KIF11: variants seen among roughly 807,000 people sequenced by gnomAD.
KIF11 encodes the protein kinesin family member 11.
Under a neutral mutation model 121.0 loss-of-function variants are expected in KIF11, and 9 were observed. That is an observed-to-expected ratio of 0.07 (90% confidence interval 0.04 to 0.13). The LOEUF (loss-of-function observed/expected upper bound fraction) is 0.13, where lower values mean the gene tolerates loss of function less well. Among genes scored for constraint, KIF11 ranks in the 10% least tolerant of loss-of-function variants. KIF11 has a pLI of 1.00. For synonymous variants in KIF11, 408 were observed against 421.0 expected (o/e 0.97, Z 0.38); for missense variants, 846 against 1,217.5 (o/e 0.69, Z 4.54).
intron 1 of KIF11, among the ~76,000 whole-genome samples, chr10:92,605,200 G>T (rs1211135777): frequency 6.6e-6 from 1 of 152,116 alleles, no homozygotes; most frequent in East Asian, 1.9e-4. Context: ...GTAGAATGAG[G>T]ACTCTTGATC....
At chr10:92,646,910 G>C (rs1331660289) in intron 18 of KIF11, among the ~76,000 whole-genome samples, 3 of 152,144 alleles carry the variant, frequency 2.0e-5, no homozygotes, top group Non-Finnish European at 2.9e-5. Context: ...TAATAAAATG[G>C]AGAAGAAATG....
At chr10:92,631,460 C>T (rs1020239862) in intron 12 of KIF11, among the ~76,000 whole-genome samples, 22 of 148,442 alleles carry the variant, frequency 1.5e-4, no homozygotes, top group Admixed American at 1.3e-3. Flanking sequence ...TTCCCGGGTT[C>T]ACGCCATTCT....
At chr10:92,645,307 T>C (rs1215274926) in intron 17 of KIF11, 56 bp from the exon 18 acceptor site, 4 of 1,317,096 alleles carry the variant, frequency 3.0e-6, no homozygotes, top group South Asian at 1.4e-5. Flanking sequence ...TGGGAAGTTA[T>C]ATATCCTTTG....
At chr10:92,602,833 T>TACACACAC (rs770378243) in intron 1 of KIF11, among the ~76,000 whole-genome samples, 4,855 of 118,576 alleles carry the variant, frequency 0.041, 111 homozygotes, top group Admixed American at 0.068. Flanking sequence ...CACGTGTGTG[T>TACACACAC]GTGTGTGTGT....
intron 5 of KIF11, 76 bp from the exon 6 acceptor site, chr10:92,609,283 AGAGAGAGAGAGAGAGAGAGAGTGTGT>A (rs1208523799): frequency 8.0e-7 from 1 of 1,256,100 alleles, no homozygotes; most frequent in East Asian, 2.5e-5. Context: ...AGAGAGAGAG[AGAGAGAGAGAGAGAGAGAGAGTGTGT>A]GTGTGTGTGT....
intron 13 of KIF11, 29 bp downstream of exon 13, chr10:92,632,722 T>G (rs748389063): frequency 7.1e-6 from 10 of 1,401,586 alleles, no homozygotes; most frequent in Non-Finnish European, 8.8e-6. Flanking sequence ...GTTCTAGTCT[T>G]GATGTGTTAA....
chr10:92,605,935 C>T (rs1017315660), intron 1 of KIF11, among the ~76,000 whole-genome samples: 13 of 152,272 alleles, frequency 8.5e-5, no homozygotes, highest in South Asian at 2.1e-4. Flanking sequence ...CACTTGAGCC[C>T]GGAAGTTTGA....
intron 1 of KIF11, 36 bp from the exon 2 acceptor site, chr10:92,606,227 AAG>A: frequency 6.5e-7 from 1 of 1,534,138 alleles, no homozygotes; most frequent in Non-Finnish European, 8.7e-7. Flanking sequence ...CCTGAGAACT[AAG>A]AGCTCTTGAA....
At chr10:92,611,205 G>T (rs1046218135) in intron 6 of KIF11, among the ~76,000 whole-genome samples, 3 of 151,072 alleles carry the variant, frequency 2.0e-5, no homozygotes, top group Non-Finnish European at 4.4e-5. Flanking sequence ...GAGATGAATA[G>T]TATTATTATT....
intron 10 of KIF11, among the ~76,000 whole-genome samples, chr10:92,626,876 C>T (rs534459138): frequency 9.9e-5 from 15 of 151,546 alleles, no homozygotes; most frequent in African/African-American, 3.6e-4. Flanking sequence ...TCTCTCGCCT[C>T]AGCCTCCTGA....
chr10:92,651,377 C>G (rs1357525321), intron 21 of KIF11, among the ~76,000 whole-genome samples: 1 of 150,368 alleles, frequency 6.7e-6, no homozygotes, highest in East Asian at 2.0e-4. Flanking sequence ...CTCTTGTTTC[C>G]CAGGCTGGAG....
At chr10:92,651,272 C>T (rs1844976186) in intron 21 of KIF11, among the ~76,000 whole-genome samples, 1 of 152,048 alleles carries the variant, frequency 6.6e-6, no homozygotes, top group Non-Finnish European at 1.5e-5. Flanking sequence ...AAGTTATCTA[C>T]CCTCCTCGGC....
rs777391073 is a variant in KIF11 at position 92,650,462 on chromosome 10, C to T, written c.2984C>T (p.Pro995Leu). ...ACTGAAGAACCTCTAAGTCAAGAGC[C>T]ATCTGTAGATGCTGGTGTGGATTGT... ...QYTEEPLSQE[P>L]SVDAGVDCSS... Residue 995 changes from proline (P) to leucine (L), a missense_variant, in exon 21 of 22, where the codon CCA becomes CTA. Pro to Leu is a moderately conservative substitution (Grantham distance 98). Around this residue, in one of 5 missense-constraint regions of KIF11, gnomAD observed 492 missense variants for 603.4 expected, o/e 0.82. Coordinates refer to ENST00000260731, the MANE Select transcript of KIF11 (RefSeq NM_004523.4). 2 of 1,613,786 alleles carry T rather than the reference C, an allele frequency of 1.2e-6. No individual in the cohort carries two copies. Among genetic ancestry groups the T allele is most frequent in the Admixed American group, 3.3e-5 (2 of 60,010 alleles).
intron 10 of KIF11, among the ~76,000 whole-genome samples, chr10:92,625,751 T>C (rs1844669586): frequency 6.6e-6 from 1 of 152,194 alleles, no homozygotes; most frequent in South Asian, 2.1e-4. Flanking sequence ...ACAATCATTG[T>C]ACTAAAATCA....
In KIF11 at chr10:92,611,982, A is replaced by G. The variant is rs764601810; in HGVS notation, c.699-1058A>G. ...TTGAAACTTACCAGATTCTCTGTCA[A>G]TTGTCAGTGATATTAACAAACATAA... On this transcript the variant is annotated intron_variant, in intron 6 of 21. Coordinates refer to ENST00000260731, the MANE Select transcript of KIF11 (RefSeq NM_004523.4). Among the ~76,000 whole-genome samples the G allele has an allele frequency of 1.2e-4, 18 of 152,324 alleles. No individual in the cohort carries two copies. The East Asian group carries it at 3.3e-3, about 28-fold the overall frequency.
In KIF11 at chr10:92,613,605, T is replaced by C; in HGVS notation, c.1018T>C (p.Ser340Pro). The change falls in exon 8 of 22, where the codon TCT becomes CCT. Residue 340 changes from serine to proline, a missense_variant. By Grantham distance (74) the Ser-to-Pro change is moderately conservative (BLOSUM62 -1). This residue lies in a region of KIF11 where 116 missense variants were observed against 285.3 expected (regional missense o/e 0.41). Coordinates refer to ENST00000260731, the MANE Select transcript of KIF11 (RefSeq NM_004523.4). This position sits in a 1 kb window ranked among gnomAD's most constrained non-coding sequence, Gnocchi z 4.2. Reference protein sequence around the residue: ...TSIIATISPASLNLEETLSTL... With the variant: ...TSIIATISPAPLNLEETLSTL... ...TATAATTGCAACAATTTCTCCTGCA[T>C]CTCTCAATCTTGAGGTAAGCCCTTT... 6.2e-7 allele frequency: 1 copy of C among 1,612,730 alleles called. No homozygotes were observed.
intron 21 of KIF11, among the ~76,000 whole-genome samples, chr10:92,651,339 T>G (rs1473031677): frequency 6.7e-6 from 1 of 149,200 alleles, no homozygotes; most frequent in African/African-American, 2.5e-5. Flanking sequence ...TCTACCCACT[T>G]TTTTTTTTCT....
chr10:92,642,071 AT>A (rs1844871022), intron 17 of KIF11, among the ~76,000 whole-genome samples: 1 of 151,570 alleles, frequency 6.6e-6, no homozygotes, highest in Non-Finnish European at 1.5e-5. Context: ...TTTTTGGAGC[AT>A]TTTTTGATGG....
intron 14 of KIF11, among the ~76,000 whole-genome samples, chr10:92,636,771 G>A (rs1243177440): frequency 2.6e-5 from 4 of 151,688 alleles, no homozygotes; most frequent in South Asian, 2.1e-4. Flanking sequence ...GGTGGCTCAC[G>A]CCTGTAATCT....
Sources: gnomAD v4.1 joint callset for allele counts (sites outside exome capture counted in the v4.1 genomes callset) on GRCh38, gnomAD v4.1.1 for gene constraint, gnomAD v4.1.1 regional missense constraint, Gnocchi (gnomAD v3.1) non-coding constraint, MANE v1.5 for transcripts, NCBI Gene and HGNC (gene_info 2026-07-23, HGNC 2026-07-21) for gene names.